Variants in MMACHC observed in about 807,000 individuals in gnomAD.
MMACHC encodes the protein cyanocobalamin reductase / alkylcobalamin dealkylase.
In MMACHC, 14 loss-of-function variants were observed where a neutral mutation model predicts 17.6. The observed-to-expected ratio is 0.80, with a 90% CI of 0.53 to 1.25. MMACHC has a LOEUF of 1.25. MMACHC is among the 50% of genes most tolerant of loss of function. The pLI is 0.00. For synonymous variants in MMACHC, 151 were observed against 142.1 expected, an observed-to-expected ratio of 1.06 and a Z score of -0.45; for missense variants, 392 against 364.5, an observed-to-expected ratio of 1.08 and a Z score of -0.62.
rs1570829811 is a variant in MMACHC at position 45,507,458 on chromosome 1, G to A, written c.184G>A (p.Ala62Thr). 6.2e-7 allele frequency: 1 copy of A among 1,614,126 alleles called. No individual in the cohort carries two copies. Among genetic ancestry groups the A allele is most frequent in the Non-Finnish European group, 8.5e-7 (1 of 1,180,022 alleles). Residue 62 changes from alanine (A) to threonine (T), a missense_variant, in exon 2 of 4, where the codon GCC (alanine) becomes ACC (threonine). Ala to Thr is a moderately conservative substitution (Grantham distance 58). Transcript: ENST00000401061. Reference sequence around the variant, plus strand: ...CAGCACGCCTGCCATGTTTGACCGGGCCCTCAAGCCCTTCTTGCAGAGCTG... The same window carrying A: ...CAGCACGCCTGCCATGTTTGACCGGACCCTCAAGCCCTTCTTGCAGAGCTG... Reference protein sequence around the residue: ...VLSTPAMFDRALKPFLQSCHL... With the variant: ...VLSTPAMFDRTLKPFLQSCHL...
intron 1 of MMACHC, among the ~76,000 whole-genome samples, chr1:45,504,218 C>T (rs1400734777): frequency 6.6e-6 from 1 of 152,134 alleles, no homozygotes; most frequent in Non-Finnish European, 1.5e-5. Flanking sequence ...AGTTCAAGAC[C>T]AGCCTCGCCA....
Position 45,510,529 on chromosome 1 carries a change from ACTATCT to A in MMACHC, c.*1318_*1323del, listed in dbSNP as rs1643722044. On this transcript the variant is annotated 3_prime_UTR_variant, in exon 4 of 4. Coordinates refer to ENST00000401061, the MANE Select transcript of MMACHC (RefSeq NM_015506.3). The stretch of plus-strand genomic sequence containing the variant: ...GGGCAACATAATGACACTAAAAAAG[ACTATCT>A]CTAATCAAGGCTAGAACCAAGGGAA... 1 of 152,192 alleles carries A rather than the reference ACTATCT, an allele frequency of 6.6e-6. No homozygotes were observed. The highest frequency in any genetic ancestry group is 6.5e-5 in the Admixed American group (1 of 15,274). The allele number at this position is 152,192 out of a possible 1,614,324, so 9.4% of individuals were successfully genotyped here.
At position 45,511,256 on chromosome 1, in the gene MMACHC, G is replaced by T; in HGVS notation, c.*2041G>T. The stretch of plus-strand genomic sequence containing the variant: ...TCTGAAGTCTTGTGTTTTACTAATG[G>T]AAAAAAAAAATACAGAAGAGGTTTT... On this transcript the variant is annotated 3_prime_UTR_variant, in exon 4 of 4. Transcript: ENST00000401061. The T allele has an allele frequency of 8.5e-7, 1 of 1,180,618 alleles. No individual in the cohort carries two copies. The highest frequency in any genetic ancestry group is 1.6e-5 in the South Asian group (1 of 63,678). The allele number at this position is 1,180,618 out of a possible 1,614,324, so 73.1% of individuals were successfully genotyped here.
chr1:45,508,802 T>C lies in MMACHC; in HGVS notation c.436T>C (p.Ser146Pro), dbSNP rs1164100187. ...TTCTTCACCCTCTCCCCAGCGCATA[T>C]CAGGTGTGTGCATACACCCCCGATT... ...EADPWGNQRISGVCIHPRFGG... is the reference protein window; with the variant it reads ...EADPWGNQRIPGVCIHPRFGG... The change falls in exon 4 of 4, where the codon TCA becomes CCA. Residue 146 changes from serine (S) to proline (P), a missense_variant. Transcript: ENST00000401061. 1.2e-6 allele frequency: 2 copies of C among 1,613,902 alleles called. No homozygotes were observed. Among genetic ancestry groups the C allele is most frequent in the East Asian group, 4.5e-5 (2 of 44,870 alleles).
At chr1:45,503,555 C>T (rs1253218385) in intron 1 of MMACHC, among the ~76,000 whole-genome samples, 1 of 151,052 alleles carries the variant, frequency 6.6e-6, no homozygotes, top group Non-Finnish European at 1.5e-5. Flanking sequence ...CCCGCCTCAG[C>T]CTCCTGAGTA....
intron 1 of MMACHC, among the ~76,000 whole-genome samples, chr1:45,505,186 C>T (rs565279092): frequency 6.6e-6 from 1 of 151,094 alleles, no homozygotes; most frequent in Non-Finnish European, 1.5e-5. Context: ...CGGTGACTCA[C>T]GCCTGTAATC....
chr1:45,509,375 T>A lies in MMACHC; in HGVS notation c.*160T>A, dbSNP rs1490224819. The A allele has an allele frequency of 7.8e-6, 6 of 767,322 alleles. No homozygotes were observed. The highest frequency in any genetic ancestry group is 1.2e-5 in the Non-Finnish European group (6 of 498,906). The allele number at this position is 767,322 out of a possible 1,614,324, so 47.5% of individuals were successfully genotyped here. On this transcript the variant is annotated 3_prime_UTR_variant, in exon 4 of 4. Coordinates refer to ENST00000401061, the MANE Select transcript of MMACHC (RefSeq NM_015506.3). ...TCAAGGAAGTTAGGTTTGGCCAAGA[T>A]AAAGGCCAGGGAACCAGAATTCCCA...
In MMACHC at chr1:45,511,473, C is replaced by T. The variant is rs2149325440; in HGVS notation, c.*2258C>T. The T allele has an allele frequency of 1.4e-6, 2 of 1,424,570 alleles. No individual in the cohort carries two copies. Among genetic ancestry groups the T allele is most frequent in the East Asian group, 4.6e-5 (2 of 43,418 alleles). 88.2% of individuals were successfully genotyped at this position (1,424,570 alleles called of 1,614,324 possible). ...TCTCAATGGTATGCACCACCATTCT[C>T]CTATGGACAAAACCAGTTCTGCACC... On this transcript the variant is annotated 3_prime_UTR_variant, in exon 4 of 4. Coordinates refer to ENST00000401061, the MANE Select transcript of MMACHC (RefSeq NM_015506.3).
intron 1 of MMACHC, among the ~76,000 whole-genome samples, chr1:45,503,597 C>A (rs776419129): frequency 2.0e-5 from 3 of 151,946 alleles, no homozygotes; most frequent in Non-Finnish European, 4.4e-5. Flanking sequence ...TTCTAAGTTC[C>A]CTGCCATATA....
chr1:45,509,555 G>C lies in MMACHC; in HGVS notation c.*340G>C. ...AGCCTCCTGAGTAGCTGGGATGACA[G>C]GTGCCTGCCACTACACCTGGCTAAT... On this transcript the variant is annotated 3_prime_UTR_variant, in exon 4 of 4. Transcript: ENST00000401061. The C allele has an allele frequency of 4.5e-5, 10 of 223,852 alleles. No homozygotes were observed. Among genetic ancestry groups the C allele is most frequent in the South Asian group, 1.6e-4 (2 of 12,222 alleles). The allele number at this position is 223,852 out of a possible 1,614,324, so 13.9% of individuals were successfully genotyped here. A position where few individuals can be genotyped will look rare whatever the true frequency, so the allele number is the denominator to read the frequency against.
chr1:45,503,968 G>A (rs1167209265), intron 1 of MMACHC, among the ~76,000 whole-genome samples: 1 of 152,248 alleles, frequency 6.6e-6, no homozygotes, highest in Non-Finnish European at 1.5e-5. Context: ...CATGTTCAGT[G>A]TGTGAATGTG....
chr1:45,509,052 AAC>A lies in MMACHC; in HGVS notation c.687_688del (p.Arg230IlefsTer14). ...GCCTACTTCTCCACTCCACCTGCCC[AAC>A]GATTGGCCCTATTGGGCTTGGCTCA... On this transcript the variant is annotated frameshift_variant, in exon 4 of 4. Transcript: ENST00000401061. LOFTEE classifies it low-confidence loss of function (END_TRUNC). 1 of 1,613,988 alleles carries A rather than the reference AAC, an allele frequency of 6.2e-7. No homozygotes were observed. Among genetic ancestry groups the A allele is most frequent in the Non-Finnish European group, 8.5e-7 (1 of 1,179,948 alleles).
At chr1:45,505,118 TAAAAAAA>T (rs71052893) in intron 1 of MMACHC, among the ~76,000 whole-genome samples, 1 of 119,388 alleles carries the variant, frequency 8.4e-6, no homozygotes, top group African/African-American at 3.3e-5. Flanking sequence ...TGTATACATT[TAAAAAAA>T]AAAAAAAAAA....
rs769378589 is a variant in MMACHC, at chr1:45,508,844, A to G, written c.478A>G (p.Ile160Val). The G allele has an allele frequency of 1.2e-6, 2 of 1,614,158 alleles. No individual in the cohort carries two copies. The highest frequency in any genetic ancestry group is 1.7e-5 in the Admixed American group (1 of 60,010). ...IHPRFGGWFA[I>V]RGVVLLPGIE... ...CCCCCGATTTGGGGGCTGGTTTGCC[A>G]TCCGAGGGGTAGTGCTGCTGCCAGG... Residue 160 changes from isoleucine to valine, a missense_variant, in exon 4 of 4, where the codon ATC becomes GTC. Coordinates refer to ENST00000401061, the MANE Select transcript of MMACHC (RefSeq NM_015506.3).
In MMACHC at chr1:45,509,162, G is replaced by A. The variant is rs765022621; in HGVS notation, c.796G>A (p.Ala266Thr). ...APKKPGNPSR[A>T]RSWLSPRVSP... ...CAAGAAGCCTGGGAATCCCAGCAGA[G>A]CCCGGAGCTGGCTCAGCCCCAGGGT... Residue 266 changes from alanine (A) to threonine (T), a missense_variant, in exon 4 of 4, where the codon GCC (alanine) becomes ACC (threonine). Transcript: ENST00000401061. 3 of 1,613,856 alleles carry A rather than the reference G, an allele frequency of 1.9e-6. No homozygotes were observed. Among genetic ancestry groups the A allele is most frequent in the East Asian group, 2.2e-5 (1 of 44,874 alleles).
intron 2 of MMACHC, 103 bp from the exon 3 acceptor site, chr1:45,508,109 G>A (rs1006664832): frequency 7.8e-6 from 11 of 1,406,464 alleles, no homozygotes; most frequent in African/African-American, 1.4e-5. Context: ...CCCTTCTGAG[G>A]ACAGGACCAT....
Position 45,508,916 on chromosome 1 carries a change from C to G in MMACHC, c.550C>G (p.Pro184Ala), listed in dbSNP as rs747860045. ...ACCCAGAAAACCTCATGACTGTGTA[C>G]CTACAAGAGCTGACCGTATCGCCCT... is the stretch of plus-strand genomic sequence containing the variant. ...LPPRKPHDCV[P>A]TRADRIALLE... Residue 184 changes from proline to alanine, a missense_variant, in exon 4 of 4, where the codon CCT becomes GCT. Coordinates refer to ENST00000401061, the MANE Select transcript of MMACHC (RefSeq NM_015506.3). 1 of 1,614,178 alleles carries G rather than the reference C, an allele frequency of 6.2e-7. No individual in the cohort carries two copies. Among genetic ancestry groups the G allele is most frequent in the Non-Finnish European group, 8.5e-7 (1 of 1,180,030 alleles).
chr1:45,503,929 G>A (rs915601889), intron 1 of MMACHC, among the ~76,000 whole-genome samples: 3 of 152,334 alleles, frequency 2.0e-5, no homozygotes, highest in South Asian at 2.1e-4. Context: ...ATGGGTCTTC[G>A]GTTTGGGCTT....
chr1:45,507,042 C>T (rs930381077), intron 1 of MMACHC, among the ~76,000 whole-genome samples: 2 of 151,944 alleles, frequency 1.3e-5, no homozygotes, highest in African/African-American at 2.4e-5. Context: ...TAGTGCACAT[C>T]GTAATCCCAG....
Sources: gnomAD v4.1 joint callset for allele counts (sites outside exome capture counted in the v4.1 genomes callset) on GRCh38, gnomAD v4.1.1 for gene constraint, MANE v1.5 for transcripts, NCBI Gene and HGNC (gene_info 2026-07-23, HGNC 2026-07-21) for gene names.